The following SEC16B variants were observed in gnomAD, a reference collection of about 807,000 sequenced individuals.
The protein encoded by SEC16B is protein transport protein Sec16B.
Under a neutral mutation model 141.8 loss-of-function variants are expected in SEC16B, and 115 were observed. That is an observed-to-expected ratio of 0.81 (90% CI 0.70 to 0.95). SEC16B has a LOEUF of 0.95. SEC16B is among the 40% of genes least tolerant of loss of function. SEC16B has a pLI of 0.00. For missense variants in SEC16B, 1,291 were observed against 1,312.3 expected (o/e 0.98, Z 0.25); for synonymous variants, 493 against 492.5 (o/e 1.00, Z -0.01).
At chr1:177,937,582 A>G in intron 18 of SEC16B, 69 bp from the exon 19 acceptor site, 1 of 1,298,824 alleles carries the variant, frequency 7.7e-7, no homozygotes, top group South Asian at 1.6e-5. Context: ...ATCACACCAG[A>G]AACATTCCTG....
intron 16 of SEC16B, 45 bp downstream of exon 16, chr1:177,941,855 A>G (rs763023998): frequency 6.3e-7 from 1 of 1,594,996 alleles, no homozygotes; most frequent in Admixed American, 1.8e-5. Flanking sequence ...CTTTCTCTGA[A>G]TAGTGAAGAT....
chr1:177,965,137 TG>T lies in SEC16B; in HGVS notation c.442del (p.His148ThrfsTer126). The stretch of plus-strand genomic sequence containing the variant: ...GTACTTTTGCTCTCGGTAATCTTCG[TG>T]CCAGATATAAGGACTCCGTTGCCTT... ...VPRQRSPYIW[H>X]EDYREQKYLD... is the part of the protein sequence containing the mutation. On this transcript the variant is annotated frameshift_variant, in exon 4 of 26. Coordinates refer to ENST00000308284, the MANE Select transcript of SEC16B (RefSeq NM_033127.4). LOFTEE classifies it high-confidence loss of function. The T allele has an allele frequency of 6.2e-7, 1 of 1,613,624 alleles. No homozygotes were observed. Among genetic ancestry groups the T allele is most frequent in the Non-Finnish European group, 8.5e-7 (1 of 1,179,758 alleles).
rs1653409356 is a variant in SEC16B, at chr1:177,965,106, A to G, written c.474T>C (p.Asp158=). The G allele has an allele frequency of 1.9e-6, 3 of 1,613,638 alleles. No individual in the cohort carries two copies. The highest frequency in any genetic ancestry group is 2.5e-6 in the Non-Finnish European group (3 of 1,179,750). ...HEDYREQKYL[D]EHHYENQHSP... ...TGTGCTGGTTTTCATAATGATGTTC[A>G]TCAAGGTACTTTTGCTCTCGGTAAT... is the stretch of plus-strand genomic sequence containing the variant. The change falls in exon 4 of 26, where the codon GAT becomes GAC. Residue 158 remains aspartate (D), a synonymous_variant. Coordinates refer to ENST00000308284, the MANE Select transcript of SEC16B (RefSeq NM_033127.4).
At chr1:177,943,779 G>C (rs1651462546) in intron 15 of SEC16B, among the ~76,000 whole-genome samples, 1 of 152,184 alleles carries the variant, frequency 6.6e-6, no homozygotes, top group Admixed American at 6.5e-5. Context: ...CTGTTCTCGA[G>C]CATTAAGGAA....
At chr1:177,946,340 T>C (rs1368618836) in intron 14 of SEC16B, 80 bp downstream of exon 14, 14 of 1,012,118 alleles carry the variant, frequency 1.4e-5, no homozygotes, top group Non-Finnish European at 2.0e-5. Flanking sequence ...AAATGAAAAA[T>C]GGATCCATAA....
At chr1:177,960,225 C>G in intron 8 of SEC16B, 117 bp downstream of exon 8, 1 of 729,506 alleles carries the variant, frequency 1.4e-6, no homozygotes, top group East Asian at 2.7e-5. Context: ...TCCACTCCAA[C>G]AAGGACAGAT....
intron 6 of SEC16B, chr1:177,961,284 C>A (rs1360908330): frequency 8.9e-6 from 4 of 448,854 alleles, no homozygotes; most frequent in East Asian, 4.2e-5. Flanking sequence ...TGAAGCTTTG[C>A]ATCTTGCTTT....
intron 5 of SEC16B, among the ~76,000 whole-genome samples, chr1:177,962,755 A>G (rs1394278618): frequency 6.6e-6 from 1 of 151,768 alleles, no homozygotes; most frequent in Non-Finnish European, 1.5e-5. Context: ...CTAAATAAAT[A>G]AATAAAGAAA....
chr1:177,953,691 T>C (rs935651725), intron 11 of SEC16B, among the ~76,000 whole-genome samples: 3 of 152,226 alleles, frequency 2.0e-5, no homozygotes, highest in Admixed American at 6.5e-5. Context: ...GCATTTTTCC[T>C]GGTCCACGCT....
intron 20 of SEC16B, among the ~76,000 whole-genome samples, chr1:177,935,616 T>C (rs12121676): frequency 0.54 from 82,111 of 151,256 alleles, 23,008 homozygotes; most frequent in Middle Eastern, 0.68. Flanking sequence ...TATATGATAC[T>C]TCACTATTAG....
intron 14 of SEC16B, chr1:177,946,123 T>C (rs1651682990): frequency 1.7e-6 from 1 of 578,514 alleles, no homozygotes; most frequent in Non-Finnish European, 3.1e-6. Context: ...GGAACAAAGT[T>C]AGCTTGTGGA....
At chr1:177,949,422 A>ACG (rs1651995289) in intron 12 of SEC16B, among the ~76,000 whole-genome samples, 1 of 142,058 alleles carries the variant, frequency 7.0e-6, no homozygotes, top group South Asian at 2.3e-4. Context: ...ACACACACAC[A>ACG]CACACACAAA....
rs370330893 is a variant in SEC16B, at chr1:177,966,011, A to G, written c.300-6T>C. ...ATGAATTCTCATAACCTGGCCTAAA[A>G]TATCACAAAGAAGACTGGTCAGTTG... On this transcript the variant is annotated splice_region_variant and splice_polypyrimidine_tract_variant and intron_variant, in intron 2 of 25. Coordinates refer to ENST00000308284, the MANE Select transcript of SEC16B (RefSeq NM_033127.4). 6 of 1,540,288 alleles carry G rather than the reference A, an allele frequency of 3.9e-6. No individual in the cohort carries two copies. In the African/African-American group the frequency reaches 6.8e-5, roughly 17 times the overall value.
At chr1:177,948,433 A>T in intron 12 of SEC16B, 2 of 1,304,266 alleles carry the variant, frequency 1.5e-6, no homozygotes, top group Non-Finnish European at 2.0e-6. Context: ...ATTCACACAC[A>T]TCCTCTTAAT....
chr1:177,952,625 T>A (rs1255305258), intron 11 of SEC16B, among the ~76,000 whole-genome samples: 1 of 152,320 alleles, frequency 6.6e-6, no homozygotes, highest in South Asian at 2.1e-4. Context: ...GCTTACTCAG[T>A]GAGAGGTATT....
Position 177,965,058 on chromosome 1 carries a change from C to A in SEC16B, c.522G>T (p.Glu174Asp). The change falls in exon 4 of 26, where the codon GAG becomes GAT. Residue 174 changes from glutamate to aspartate, a missense_variant. Around this residue, in one of 3 missense-constraint regions of SEC16B, gnomAD observed 681 missense variants for 675.5 expected, o/e 1.01. Transcript: ENST00000308284. ...NQHSPFGTNSETHFQSNSRNP... is the reference protein window; with the variant it reads ...NQHSPFGTNSDTHFQSNSRNP... ...CCTTTCACACTTACTGGAAGTGGGTCTCACTATTTGTTCCAAATGGACTGT... is the reference window on the plus strand; with the variant it reads ...CCTTTCACACTTACTGGAAGTGGGTATCACTATTTGTTCCAAATGGACTGT... The A allele has an allele frequency of 6.2e-7, 1 of 1,613,406 alleles. No homozygotes were observed. Among genetic ancestry groups the A allele is most frequent in the South Asian group, 1.1e-5 (1 of 90,874 alleles).
chr1:177,954,340 C>A lies in SEC16B; in HGVS notation c.1402G>T (p.Gly468Cys). 1 of 1,575,958 alleles carries A rather than the reference C, an allele frequency of 6.3e-7. No homozygotes were observed. The highest frequency in any genetic ancestry group is 8.6e-7 in the Non-Finnish European group (1 of 1,159,868). The change falls in exon 11 of 26, where the codon GGC becomes TGC. Residue 468 changes from glycine (G) to cysteine (C), a missense_variant. Coordinates refer to ENST00000308284, the MANE Select transcript of SEC16B (RefSeq NM_033127.4). ...LEWAMKNHLW[G>C]HALFLSSKMD... ...TTGCTGGACAGGAACAAAGCATGGC[C>A]CCACAAGTGGTTCTTCATGGCCCAC... is the stretch of plus-strand genomic sequence containing the variant.
In SEC16B at chr1:177,969,425, T is replaced by A. The variant is rs370757404; in HGVS notation, c.-59+459A>T. ...ACTCCCTTGAAAAAGCCAGGTGCAA[T>A]GACAGCCTTTGCCAGCAAATCCCAG... On this transcript the variant is annotated intron_variant, in intron 1 of 25. Coordinates refer to ENST00000308284, the MANE Select transcript of SEC16B (RefSeq NM_033127.4). Among the ~76,000 whole-genome samples, 11 of 152,254 alleles carry A rather than the reference T, an allele frequency of 7.2e-5. No individual in the cohort carries two copies. In the East Asian group the frequency reaches 2.1e-3, roughly 29 times the overall value.
intron 1 of SEC16B, among the ~76,000 whole-genome samples, chr1:177,980,346 A>G (rs1437753064): frequency 2.0e-5 from 3 of 152,156 alleles, no homozygotes; most frequent in African/African-American, 7.2e-5. Flanking sequence ...TAATTCATTT[A>G]TTTATGAAAT....
Sources: allele counts gnomAD v4.1 joint callset (sites outside exome capture counted in the v4.1 genomes callset), GRCh38; gene constraint gnomAD v4.1.1; regional missense constraint gnomAD v4.1.1; transcripts MANE v1.5; gene names NCBI Gene and HGNC (gene_info 2026-07-23, HGNC 2026-07-21).